Variants in RTN4 observed in about 807,000 individuals in gnomAD.
The protein encoded by RTN4 is reticulon 4.
In RTN4, 32 loss-of-function variants were observed where a neutral mutation model predicts 90.4. The ratio of observed to expected loss-of-function variants is 0.35; its 90% CI spans 0.27 to 0.48. RTN4 has a LOEUF of 0.48. Among genes scored for constraint, RTN4 ranks in the 20% least tolerant of loss-of-function variants. The pLI, the probability that RTN4 is intolerant of heterozygous loss-of-function variation, is 0.99. For missense variants in RTN4, 1,706 were observed against 1,430.2 expected, an observed-to-expected ratio of 1.19 and a Z score of -3.11; for synonymous variants, 629 against 552.5, an observed-to-expected ratio of 1.14 and a Z score of -1.94.
chr2:54,973,536 A>AAAAC (rs751140200), intron 8 of RTN4, 27 bp downstream of exon 8: 8 of 1,552,336 alleles, frequency 5.2e-6, no homozygotes, highest in Admixed American at 1.7e-5. Context: ...TATCCTAGTA[A>AAAAC]AAACACTGCA....
chr2:55,093,960 C>T (rs562935941), intron 1 of RTN4, among the ~76,000 whole-genome samples: 2 of 152,194 alleles, frequency 1.3e-5, no homozygotes, highest in South Asian at 4.2e-4. Flanking sequence ...ATGGAAATAG[C>T]ATGAAAGAGT....
At chr2:55,054,797 C>A (rs184594077), upstream of RTN4, among the ~76,000 whole-genome samples, 246 of 152,284 alleles carry the variant, frequency 1.6e-3, 1 homozygote, top group Middle Eastern at 6.8e-3. Context: ...ACTGAAATAT[C>A]ATTTTGGCAC....
chr2:55,070,004 A>C (rs1004766806), intron 2 of RTN4, among the ~76,000 whole-genome samples: 10 of 152,334 alleles, frequency 6.6e-5, no homozygotes, highest in South Asian at 2.1e-4. Flanking sequence ...CTCCCTTTTA[A>C]AATGTCTTGC....
the RTN4 span, among the ~76,000 whole-genome samples, chr2:55,132,475 C>G: frequency 6.6e-6 from 1 of 150,380 alleles, no homozygotes; most frequent in Non-Finnish European, 1.5e-5. Context: ...TGCACTCCAG[C>G]CTGGGCAACA....
At chr2:55,075,874 T>C (rs1168167395) in intron 2 of RTN4, among the ~76,000 whole-genome samples, 1 of 152,140 alleles carries the variant, frequency 6.6e-6, no homozygotes, top group African/African-American at 2.4e-5. Context: ...GCTGGGATAA[T>C]TGGCAAGCCG....
chr2:55,071,532 C>A (rs4672011), intron 2 of RTN4, among the ~76,000 whole-genome samples: 13,300 of 114,624 alleles, frequency 0.12, 772 homozygotes, highest in Admixed American at 0.25. Flanking sequence ...AGGAGAGGCA[C>A]CATTTGCCAT....
At chr2:55,083,246 T>C (rs181242652) in intron 1 of RTN4, among the ~76,000 whole-genome samples, 159 of 152,306 alleles carry the variant, frequency 1.0e-3, no homozygotes, top group African/African-American at 3.7e-3. Flanking sequence ...CTGTAATCCC[T>C]GCACTTTGGA....
chr2:54,996,399 C>A (rs1303157946), intron 3 of RTN4, among the ~76,000 whole-genome samples: 1 of 152,118 alleles, frequency 6.6e-6, no homozygotes, highest in Non-Finnish European at 1.5e-5. Flanking sequence ...AAAAGTACAA[C>A]AAAGGTTGGA....
intron 1 of RTN4, among the ~76,000 whole-genome samples, chr2:55,081,526 T>G (rs1212701442): frequency 2.0e-5 from 3 of 152,142 alleles, no homozygotes; most frequent in Non-Finnish European, 4.4e-5. Flanking sequence ...ATTGCACTAC[T>G]TGCAAACTCA....
At chr2:55,048,245 G>C (rs1429813878) in intron 1 of RTN4, among the ~76,000 whole-genome samples, 1 of 152,234 alleles carries the variant, frequency 6.6e-6, no homozygotes, top group Non-Finnish European at 1.5e-5. Flanking sequence ...TGCTGTGGAC[G>C]TGAGTAGTGA....
At chr2:55,006,067 AAAAT>A (rs1409730322) in intron 3 of RTN4, among the ~76,000 whole-genome samples, 4 of 152,206 alleles carry the variant, frequency 2.6e-5, no homozygotes, top group South Asian at 2.1e-4. Flanking sequence ...CAGTATTTAA[AAAAT>A]AAATACTTAA....
At chr2:55,083,893 T>C (rs1668786419) in intron 1 of RTN4, among the ~76,000 whole-genome samples, 1 of 152,226 alleles carries the variant, frequency 6.6e-6, no homozygotes, top group African/African-American at 2.4e-5. Flanking sequence ...GTGCATTCTT[T>C]GTTCTAATAT....
intron 3 of RTN4, among the ~76,000 whole-genome samples, chr2:55,018,404 G>A (rs972463126): frequency 1.3e-5 from 2 of 152,128 alleles, no homozygotes; most frequent in African/African-American, 4.8e-5. Context: ...GGAGAAGGAC[G>A]CAGGAAAAAG....
chr2:55,124,434 A>G, the RTN4 span, among the ~76,000 whole-genome samples: 1 of 152,238 alleles, frequency 6.6e-6, no homozygotes, highest in Non-Finnish European at 1.5e-5. Context: ...TCAAACCAAG[A>G]GCCAAATCAG....
intron 2 of RTN4, among the ~76,000 whole-genome samples, chr2:55,073,128 T>C (rs1179210659): frequency 1.3e-5 from 2 of 152,230 alleles, no homozygotes; most frequent in Non-Finnish European, 2.9e-5. Flanking sequence ...CTGTACCTAC[T>C]ATACAACAGC....
chr2:55,041,917 T>G lies in RTN4; in HGVS notation c.556+7828A>C, dbSNP rs189135340. Among the ~76,000 whole-genome samples the G allele has an allele frequency of 1.6e-3, 244 of 152,106 alleles. 1 individual carries two copies. The highest frequency in any genetic ancestry group is 6.8e-3 in the Middle Eastern group (2 of 294). On this transcript the variant is annotated intron_variant, in intron 1 of 8. Coordinates refer to ENST00000337526, the MANE Select transcript of RTN4 (RefSeq NM_020532.5). Reference sequence around the variant, plus strand: ...TTTCTAAACAGAAAAACATACCATATGGTCAAAATACAAATAACAAATCAA... The same window carrying G: ...TTTCTAAACAGAAAAACATACCATAGGGTCAAAATACAAATAACAAATCAA...
chr2:55,089,358 C>T (rs2105042021), intron 1 of RTN4, among the ~76,000 whole-genome samples: 1 of 152,260 alleles, frequency 6.6e-6, no homozygotes, highest in Middle Eastern at 3.4e-3. Context: ...AGATTCCTCC[C>T]CTCCCAGGAC....
chr2:55,009,645 G>A (rs890961346), intron 3 of RTN4, among the ~76,000 whole-genome samples: 1 of 152,184 alleles, frequency 6.6e-6, no homozygotes, highest in East Asian at 1.9e-4. Flanking sequence ...TCAAAGAAGA[G>A]GCTTACTGCA....
At chr2:55,101,252 T>C (rs926250581) in intron 1 of RTN4, among the ~76,000 whole-genome samples, 5 of 152,188 alleles carry the variant, frequency 3.3e-5, no homozygotes, top group Non-Finnish European at 5.9e-5. Context: ...CATATTCCTA[T>C]AGTTTCTGAA....
Sources: gnomAD v4.1 joint callset for allele counts (sites outside exome capture counted in the v4.1 genomes callset) on GRCh38, gnomAD v4.1.1 for gene constraint, MANE v1.5 for transcripts, NCBI Gene and HGNC (gene_info 2026-07-23, HGNC 2026-07-21) for gene names.